Variants in DNAJC21 observed in about 807,000 individuals in gnomAD.
The protein encoded by DNAJC21 is DnaJ heat shock protein family (Hsp40) member C21.
A neutral mutation model predicts 72.4 loss-of-function variants in DNAJC21; 63 were observed. That is an observed-to-expected ratio of 0.87 (90% CI 0.71 to 1.07). DNAJC21 has a LOEUF of 1.07. Ranked by LOEUF, DNAJC21 falls within the 50% of genes least tolerant of loss-of-function variation. The pLI is 0.00. For synonymous variants in DNAJC21, 203 were observed against 216.7 expected (o/e 0.94, Z 0.56); for missense variants, 634 against 644.8 (o/e 0.98, Z 0.18).
Position 34,945,756 on chromosome 5 carries a change from C to T in DNAJC21, c.1143-5C>T, listed in dbSNP as rs761017301. 6.3e-7 allele frequency: 1 copy of T among 1,589,918 alleles called. No homozygotes were observed. Among genetic ancestry groups the T allele is most frequent in the South Asian group, 1.2e-5 (1 of 86,426 alleles). On this transcript the variant is annotated splice_polypyrimidine_tract_variant and splice_region_variant and intron_variant, in intron 8 of 11. Coordinates refer to ENST00000648817, the MANE Select transcript of DNAJC21 (RefSeq NM_001012339.3). The stretch of plus-strand genomic sequence containing the variant: ...TTTGACATTTCGATTTATATTTGCT[C>T]TTAGGCTTTCTAAAAAACAGAAGAA...
chr5:34,939,010 G>A lies in DNAJC21; in HGVS notation c.895+1G>A, dbSNP rs1764893772. ...CATGAACTCAAAGATGAGGAGGATG[G>A]TAATATTATTTTTATTTTATTTATC... On this transcript the variant is annotated splice_donor_variant, in intron 6 of 11. Transcript: ENST00000648817. LOFTEE classifies it high-confidence loss of function. 2 of 1,553,036 alleles carry A rather than the reference G, an allele frequency of 1.3e-6. No homozygotes were observed. The highest frequency in any genetic ancestry group is 1.7e-6 in the Non-Finnish European group (2 of 1,155,238).
intron 6 of DNAJC21, among the ~76,000 whole-genome samples, chr5:34,939,552 A>C (rs1314679148): frequency 6.6e-6 from 1 of 152,232 alleles, no homozygotes; most frequent in Non-Finnish European, 1.5e-5. Context: ...GGCGTGAGCC[A>C]CCGCGCCCGG....
rs573800991 is a variant in DNAJC21 at position 34,937,331 on chromosome 5, C to G, written c.444C>G (p.Val148=). Reference sequence around the variant, plus strand: ...TCTGTTTTCTTTGTCACTAGGTAGTCCATCCTTTCTACGCTTATTGGCAGA... The same window carrying G: ...TCTGTTTTCTTTGTCACTAGGTAGTGCATCCTTTCTACGCTTATTGGCAGA... ...GDSQSDYDTV[V]HPFYAYWQSF... is the part of the protein sequence containing the mutation. Residue 148 remains valine (V), a synonymous_variant, in exon 5 of 12, where the codon GTC becomes GTG. Coordinates refer to ENST00000648817, the MANE Select transcript of DNAJC21 (RefSeq NM_001012339.3). The G allele has an allele frequency of 6.2e-7, 1 of 1,607,120 alleles. No individual in the cohort carries two copies. Among genetic ancestry groups the G allele is most frequent in the Non-Finnish European group, 8.5e-7 (1 of 1,176,894 alleles).
chr5:34,934,062 G>T (rs1323982641), intron 2 of DNAJC21, among the ~76,000 whole-genome samples, 154 bp downstream of exon 2: 2 of 152,096 alleles, frequency 1.3e-5, no homozygotes, highest in Non-Finnish European at 2.9e-5. Flanking sequence ...TAACGTTTGG[G>T]TCAGAAGGAA....
chr5:34,933,607 C>T (rs1158677110), intron 1 of DNAJC21, among the ~76,000 whole-genome samples: 2 of 152,110 alleles, frequency 1.3e-5, no homozygotes, highest in Non-Finnish European at 2.9e-5. Flanking sequence ...TGTACCAAGG[C>T]TTAGGGAAAA....
intron 6 of DNAJC21, among the ~76,000 whole-genome samples, chr5:34,940,497 T>C (rs905490759): frequency 2.0e-5 from 3 of 152,188 alleles, no homozygotes; most frequent in Non-Finnish European, 4.4e-5. Context: ...TCTTCAAAAA[T>C]AGAATACGGA....
rs577763217 is a variant in DNAJC21 at position 34,930,298 on chromosome 5, CT to C, written c.97+383del. 2.1e-3 allele frequency: 338 copies of C among 158,718 alleles called. 3 individuals carry two copies. The highest frequency in any genetic ancestry group is 7.8e-3 in the African/African-American group (325 of 41,832). The allele number at this position is 158,718 out of a possible 1,614,324, so 9.8% of individuals were successfully genotyped here. ...TTCCCTGCGTCCCTTGCAGCGCAGC[CT>C]CTCGGTGTTTTTCCTCCGCTGCCCT... On this transcript the variant is annotated intron_variant, in intron 1 of 11. Transcript: ENST00000648817.
At chr5:34,931,988 A>G (rs560174467) in intron 1 of DNAJC21, among the ~76,000 whole-genome samples, 47 of 152,294 alleles carry the variant, frequency 3.1e-4, no homozygotes, top group African/African-American at 1.1e-3. Flanking sequence ...CATCAGTGTG[A>G]TGGTATCTGA....
chr5:34,949,590 G>A, intron 9 of DNAJC21: 3 of 1,580,752 alleles, frequency 1.9e-6, no homozygotes, highest in Non-Finnish European at 1.7e-6. Context: ...ACTTTCAGAT[G>A]GCTTGGGGAA....
Position 34,937,401 on chromosome 5 carries a change from A to G in DNAJC21, c.514A>G (p.Thr172Ala), listed in dbSNP as rs752134209. 2.5e-6 allele frequency: 4 copies of G among 1,614,212 alleles called. No individual in the cohort carries two copies. The highest frequency in any genetic ancestry group is 1.6e-4 in the Middle Eastern group (1 of 6,062). The change falls in exon 5 of 12, where the codon ACA becomes GCA. Residue 172 changes from threonine (T) to alanine (A), a missense_variant. Transcript: ENST00000648817. Reference sequence around the variant, plus strand: ...TTTTGCATGGAAGGAAGAATATGATACACGACAGGCTTCAAACCGCTGGGA... The same window carrying G: ...TTTTGCATGGAAGGAAGAATATGATGCACGACAGGCTTCAAACCGCTGGGA... ...KNFAWKEEYD[T>A]RQASNRWEKR...
chr5:34,939,261 ATTTT>A (rs761706255), intron 6 of DNAJC21, among the ~76,000 whole-genome samples: 1 of 144,538 alleles, frequency 6.9e-6, no homozygotes, highest in Non-Finnish European at 1.5e-5. Flanking sequence ...AAGTGTGACT[ATTTT>A]TTTTTTTTTT....
rs185610975 is a variant in DNAJC21, at chr5:34,944,309, G to A, written c.984-558G>A. ...GCAGCTGTTGAAAAAGCAAGAGGCAGTAAACTGCTCTTGTATTTCAAGCCT... is the reference window on the plus strand; with the variant it reads ...GCAGCTGTTGAAAAAGCAAGAGGCAATAAACTGCTCTTGTATTTCAAGCCT... On this transcript the variant is annotated intron_variant, in intron 7 of 11. Transcript: ENST00000648817. Among the ~76,000 whole-genome samples the A allele has an allele frequency of 5.9e-5, 9 of 152,308 alleles. No homozygotes were observed. The East Asian group carries it at 1.7e-3, about 29-fold the overall frequency.
intron 1 of DNAJC21, 141 bp downstream of exon 1, chr5:34,930,057 C>A: frequency 1.9e-6 from 1 of 532,046 alleles, no homozygotes; most frequent in Non-Finnish European, 3.1e-6. Flanking sequence ...CCGGCCAGTG[C>A]CCGGAGCCGC....
chr5:34,931,188 TGAGA>T (rs746359272), intron 1 of DNAJC21, among the ~76,000 whole-genome samples: 10 of 151,536 alleles, frequency 6.6e-5, no homozygotes, highest in Non-Finnish European at 1.3e-4. Flanking sequence ...GGTGATGGAG[TGAGA>T]GATAGAGGTG....
chr5:34,936,586 G>A (rs1340990869), intron 4 of DNAJC21, among the ~76,000 whole-genome samples: 1 of 152,172 alleles, frequency 6.6e-6, no homozygotes, highest in East Asian at 1.9e-4. Flanking sequence ...TGGGATTACA[G>A]GCATGAGCCA....
At chr5:34,943,899 C>T (rs974343254) in intron 7 of DNAJC21, among the ~76,000 whole-genome samples, 5 of 152,194 alleles carry the variant, frequency 3.3e-5, no homozygotes, top group African/African-American at 4.8e-5. Flanking sequence ...AGCATTCCTT[C>T]AAACCACCCT....
rs962680565 is a variant in DNAJC21 at position 34,950,351 on chromosome 5, A to G, written c.1358+9A>G. ...AAAAGTGAAGCTAAAAGGTAAGTCA[A>G]AGTTGCATATTATTTGTAAATTACT... On this transcript the variant is annotated intron_variant, in intron 10 of 11. Transcript: ENST00000648817. 1.2e-6 allele frequency: 2 copies of G among 1,605,376 alleles called. No homozygotes were observed. The highest frequency in any genetic ancestry group is 1.3e-5 in the African/African-American group (1 of 74,718).
Position 34,938,986 on chromosome 5 carries a change from A to G in DNAJC21, c.872A>G (p.His291Arg), listed in dbSNP as rs778334653. 6 of 1,612,110 alleles carry G rather than the reference A, an allele frequency of 3.7e-6. No individual in the cohort carries two copies. In the African/African-American group the frequency reaches 6.7e-5, roughly 18 times the overall value. ...TCGGATGAAAATGAAATGGAAGAAC[A>G]TGAACTCAAAGATGAGGAGGATGGT... ...DGSDENEMEE[H>R]ELKDEEDGKD... Residue 291 changes from histidine (H) to arginine (R), a missense_variant, in exon 6 of 12, where the codon CAT becomes CGT. Transcript: ENST00000648817.
chr5:34,944,496 A>AT (rs1765106880), intron 7 of DNAJC21, among the ~76,000 whole-genome samples: 1 of 152,242 alleles, frequency 6.6e-6, no homozygotes, highest in Non-Finnish European at 1.5e-5. Flanking sequence ...GGAAGCTTTA[A>AT]GAATTGAAAA....
Sources: gnomAD v4.1 joint callset for allele counts (sites outside exome capture counted in the v4.1 genomes callset) on GRCh38, gnomAD v4.1.1 for gene constraint, MANE v1.5 for transcripts, NCBI Gene and HGNC (gene_info 2026-07-23, HGNC 2026-07-21) for gene names.